The following ANKRD30BL variants were observed in gnomAD, a reference collection of about 807,000 sequenced individuals.
ANKRD30BL encodes the protein putative ankyrin repeat domain-containing protein 30B-like.
In ANKRD30BL, 20 loss-of-function variants were observed where a neutral mutation model predicts 18.4. That is an observed-to-expected ratio of 1.09 (90% CI 0.77 to 1.58). The LOEUF is 1.58. ANKRD30BL is among the 40% of genes most tolerant of loss of function. The probability of loss-of-function intolerance (pLI) is 0.00; values close to 1 mark genes in which losing one functional copy is unlikely to be tolerated. For missense variants in ANKRD30BL, 224 were observed against 268.6 expected (o/e 0.83, Z 1.16); for synonymous variants, 72 against 100.9 (o/e 0.71, Z 1.72).
intron 1 of ANKRD30BL, among the ~76,000 whole-genome samples, chr2:132,242,733 G>A (rs1371118514): frequency 1.3e-5 from 2 of 151,646 alleles, no homozygotes; most frequent in African/African-American, 2.4e-5. Context: ...CTACACAGAA[G>A]CATTCTGAGA....
At chr2:132,220,284 CTCCCTCTCCCTCTCCCTG>C (rs1558940553) in intron 1 of ANKRD30BL, among the ~76,000 whole-genome samples, 4 of 146,402 alleles carry the variant, frequency 2.7e-5, no homozygotes, top group African/African-American at 1.0e-4. Context: ...TTTTTGGCCT[CTCCCTCTCCCTCTCCCTG>C]TCCCTCTCCC....
At chr2:132,221,307 C>T (rs1400982935) in intron 1 of ANKRD30BL, among the ~76,000 whole-genome samples, 4 of 148,126 alleles carry the variant, frequency 2.7e-5, no homozygotes, top group Non-Finnish European at 4.5e-5. Context: ...GTCGCCCCGT[C>T]CAGGAGGGAG....
chr2:132,199,888 A>G (rs1679059543), intron 1 of ANKRD30BL, among the ~76,000 whole-genome samples: 1 of 152,222 alleles, frequency 6.6e-6, no homozygotes. Context: ...AATATCCTTG[A>G]TGAACATTGA....
At position 132,255,826 on chromosome 2, in the gene ANKRD30BL, G is replaced by A. The variant is rs540133775; in HGVS notation, n.441+1703C>T. Among the ~76,000 whole-genome samples the A allele has an allele frequency of 3.9e-5, 6 of 152,304 alleles. No homozygotes were observed. The East Asian group carries it at 1.2e-3, about 30-fold the overall frequency. On this transcript the variant is annotated intron_variant and non_coding_transcript_variant, in intron 1 of 4. Coordinates refer to the ANKRD30BL transcript ENST00000470729. ...CATGATAGGCACAGCGACTACCATAGAAAGTTGATAGGGCAGACATTCGAA... is the reference window on the plus strand; with the variant it reads ...CATGATAGGCACAGCGACTACCATAAAAAGTTGATAGGGCAGACATTCGAA...
At chr2:132,252,241 A>C (rs376988749) in intron 1 of ANKRD30BL, among the ~76,000 whole-genome samples, 1 of 152,248 alleles carries the variant, frequency 6.6e-6, no homozygotes, top group African/African-American at 2.4e-5. Flanking sequence ...TGGCTGCGCC[A>C]AGTCTAGGGA....
At chr2:132,186,697 T>C (rs1688565510) in intron 1 of ANKRD30BL, among the ~76,000 whole-genome samples, 1 of 152,236 alleles carries the variant, frequency 6.6e-6, no homozygotes, top group African/African-American at 2.4e-5. Flanking sequence ...ACAGCTTTTA[T>C]TTTCTCACAC....
At chr2:132,202,313 C>T (rs1452173125) in intron 1 of ANKRD30BL, among the ~76,000 whole-genome samples, 1 of 151,814 alleles carries the variant, frequency 6.6e-6, no homozygotes, top group African/African-American at 2.4e-5. Context: ...AAAAGTACAT[C>T]ACCAAAAAAA....
At chr2:132,248,565 T>C (rs1476188772) in intron 1 of ANKRD30BL, among the ~76,000 whole-genome samples, 1 of 152,144 alleles carries the variant, frequency 6.6e-6, no homozygotes, top group East Asian at 1.9e-4. Context: ...GATGCACATA[T>C]CACAAAGAAG....
intron 1 of ANKRD30BL, among the ~76,000 whole-genome samples, chr2:132,250,433 C>T (rs906838781): frequency 1.9e-4 from 29 of 152,342 alleles, no homozygotes; most frequent in African/African-American, 6.7e-4. Context: ...TTAGGACCAA[C>T]ATGAGCATTT....
intron 1 of ANKRD30BL, among the ~76,000 whole-genome samples, chr2:132,240,593 T>C (rs899709897): frequency 2.0e-5 from 3 of 151,582 alleles, no homozygotes; most frequent in Non-Finnish European, 3.0e-5. Context: ...AGTTGAAACA[T>C]TCTTTTTGTC....
intron 1 of ANKRD30BL, among the ~76,000 whole-genome samples, chr2:132,212,559 G>A (rs1385198115): frequency 2.0e-5 from 3 of 151,898 alleles, no homozygotes. Context: ...TTTTGATTGA[G>A]CAACTTGGAA....
At chr2:132,173,821 C>G (rs1438444527) in intron 1 of ANKRD30BL, among the ~76,000 whole-genome samples, 1 of 152,142 alleles carries the variant, frequency 6.6e-6, no homozygotes, top group Non-Finnish European at 1.5e-5. Flanking sequence ...AAATTATACT[C>G]TGGCCATGTA....
At chr2:132,250,505 G>C (rs898697986) in intron 1 of ANKRD30BL, among the ~76,000 whole-genome samples, 1 of 152,216 alleles carries the variant, frequency 6.6e-6, no homozygotes, top group South Asian at 2.1e-4. Context: ...GAATTCAACA[G>C]AAGTCCATGT....
chr2:132,248,085 G>A (rs34651499), intron 1 of ANKRD30BL, among the ~76,000 whole-genome samples: 1 of 152,032 alleles, frequency 6.6e-6, no homozygotes, highest in Admixed American at 6.6e-5. Flanking sequence ...CATCTGTCTA[G>A]TTATTATGTG....
chr2:132,243,356 G>T (rs1395168544), intron 1 of ANKRD30BL, among the ~76,000 whole-genome samples: 2 of 151,350 alleles, frequency 1.3e-5, no homozygotes, highest in Non-Finnish European at 3.0e-5. Context: ...GTGGACATTT[G>T]GAGTGATATG....
intron 1 of ANKRD30BL, among the ~76,000 whole-genome samples, chr2:132,245,332 C>T (rs1318202744): frequency 6.6e-6 from 1 of 150,722 alleles, no homozygotes; most frequent in Non-Finnish European, 1.5e-5. Context: ...GCATTCATCT[C>T]CTAGAGTTGA....
chr2:132,229,787 A>G (rs1230292199), intron 1 of ANKRD30BL, among the ~76,000 whole-genome samples: 2 of 152,102 alleles, frequency 1.3e-5, no homozygotes, highest in African/African-American at 4.8e-5. Flanking sequence ...GGGAAAGGAA[A>G]TATCTTCACA....
At chr2:132,171,959 T>A (rs1346426223) in intron 1 of ANKRD30BL, among the ~76,000 whole-genome samples, 1 of 152,238 alleles carries the variant, frequency 6.6e-6, no homozygotes, top group Non-Finnish European at 1.5e-5. Context: ...AAGCAATATT[T>A]ATCCTTTTGC....
At chr2:132,206,741 A>G (rs1679219832) in intron 1 of ANKRD30BL, among the ~76,000 whole-genome samples, 1 of 152,238 alleles carries the variant, frequency 6.6e-6, no homozygotes, top group Non-Finnish European at 1.5e-5. Context: ...AGTGGTTCAC[A>G]TTAGGTGGCT....
Sources: allele counts gnomAD v4.1 joint callset (sites outside exome capture counted in the v4.1 genomes callset), GRCh38; gene constraint gnomAD v4.1.1; transcripts MANE v1.5; gene names NCBI Gene and HGNC (gene_info 2026-07-23, HGNC 2026-07-21).